The following PUS10 variants were observed in gnomAD, a reference collection of about 807,000 sequenced individuals.
PUS10 encodes tRNA pseudouridine synthase Pus10.
In PUS10, 59 loss-of-function variants were observed where a neutral mutation model predicts 75.0. That is an observed-to-expected ratio of 0.79 (90% confidence interval 0.64 to 0.98). The LOEUF (loss-of-function observed/expected upper bound fraction) is 0.98. Ranked by LOEUF, PUS10 falls within the 50% of genes least tolerant of loss-of-function variation. PUS10 has a pLI of 0.00. For missense variants in PUS10, 650 were observed against 614.4 expected (o/e 1.06, Z -0.61); for synonymous variants, 219 against 211.6 (o/e 1.03, Z -0.30).
intron 15 of PUS10, among the ~76,000 whole-genome samples, chr2:60,948,486 C>T (rs1024889873): frequency 6.6e-6 from 1 of 152,156 alleles, no homozygotes; most frequent in Non-Finnish European, 1.5e-5. Context: ...CCTCAGCCTC[C>T]AAAGTGCTGG....
chr2:60,962,709 A>T (rs1354448109), intron 9 of PUS10, 117 bp downstream of exon 9: 2 of 1,437,990 alleles, frequency 1.4e-6, no homozygotes, highest in African/African-American at 3.0e-5. Flanking sequence ...AATGACTAAG[A>T]CACAATCCTG....
intron 4 of PUS10, 51 bp from the exon 5 acceptor site, chr2:60,971,608 A>T: frequency 6.5e-7 from 1 of 1,527,814 alleles, no homozygotes; most frequent in Non-Finnish European, 9.1e-7. Flanking sequence ...AAACATGTTC[A>T]GTGAAATTAA....
intron 16 of PUS10, among the ~76,000 whole-genome samples, chr2:60,947,238 G>C (rs1291163244): frequency 1.3e-5 from 2 of 151,952 alleles, no homozygotes; most frequent in East Asian, 1.9e-4. Flanking sequence ...CACAAGGCAC[G>C]TAGACAAAGA....
intron 9 of PUS10, among the ~76,000 whole-genome samples, chr2:60,962,054 C>T (rs1185556538): frequency 1.3e-5 from 2 of 152,114 alleles, no homozygotes; most frequent in Non-Finnish European, 2.9e-5. Context: ...AGGTTTATTG[C>T]ATTTATTTTA....
intron 17 of PUS10, 86 bp downstream of exon 17, chr2:60,944,923 G>T: frequency 1.1e-6 from 1 of 876,786 alleles, no homozygotes; most frequent in African/African-American, 1.6e-5. Context: ...ATGGAGGTGG[G>T]TGATACTAAA....
chr2:60,953,265 T>C, intron 14 of PUS10, 151 bp from the exon 15 acceptor site: 1 of 622,156 alleles, frequency 1.6e-6, no homozygotes, highest in Non-Finnish European at 2.9e-6. Flanking sequence ...TTCAGAGTTG[T>C]GCAGCTATTA....
At chr2:60,954,524 G>A (rs150664153) in intron 12 of PUS10, among the ~76,000 whole-genome samples, 2 of 152,320 alleles carry the variant, frequency 1.3e-5, no homozygotes, top group African/African-American at 4.8e-5. Flanking sequence ...ATCCACTAGT[G>A]AAATGGAAAA....
chr2:60,997,089 A>T (rs1054091242), intron 4 of PUS10, among the ~76,000 whole-genome samples: 3 of 152,196 alleles, frequency 2.0e-5, no homozygotes, highest in African/African-American at 4.8e-5. Context: ...TCATACACCA[A>T]TGTTACATTC....
rs904745652 is a variant in PUS10 at position 61,011,670 on chromosome 2, GAATA to G, written c.126+91_126+94del. The G allele has an allele frequency of 1.8e-5, 16 of 867,918 alleles. No individual in the cohort carries two copies. The Admixed American group carries it at 5.4e-4, about 30-fold the overall frequency. 53.8% of individuals were successfully genotyped at this position (867,918 alleles called of 1,614,324 possible). A position where few individuals can be genotyped will look rare whatever the true frequency, so the allele number is the denominator to read the frequency against. On this transcript the variant is annotated intron_variant, in intron 2 of 17. Coordinates refer to ENST00000316752, the MANE Select transcript of PUS10 (RefSeq NM_144709.4). ...GTTTTTTAATTTAAAAAAGAGTTAT[GAATA>G]GATACCTGCCCTCAAAAGTACAAGC...
At chr2:60,946,861 C>T (rs912727728) in intron 16 of PUS10, among the ~76,000 whole-genome samples, 12 of 151,794 alleles carry the variant, frequency 7.9e-5, no homozygotes, top group Non-Finnish European at 1.6e-4. Flanking sequence ...TATATAGACA[C>T]ACACACACAC....
chr2:60,987,426 T>C (rs368677054), intron 4 of PUS10, among the ~76,000 whole-genome samples: 3 of 151,318 alleles, frequency 2.0e-5, no homozygotes, highest in East Asian at 1.9e-4. Context: ...GAGAAAAATA[T>C]AGAAAGTGAG....
chr2:60,977,395 A>G (rs541263375), intron 4 of PUS10, among the ~76,000 whole-genome samples: 30 of 152,322 alleles, frequency 2.0e-4, no homozygotes, highest in Admixed American at 8.5e-4. Flanking sequence ...AAAGTTCAGA[A>G]GGTTTTGATT....
At chr2:60,951,213 T>G (rs552322351) in intron 15 of PUS10, among the ~76,000 whole-genome samples, 1 of 152,288 alleles carries the variant, frequency 6.6e-6, no homozygotes, top group Non-Finnish European at 1.5e-5. Flanking sequence ...TGTATACATA[T>G]ACATATATAT....
In PUS10 at chr2:61,011,656, TAA is replaced by T. The variant is rs1322755668; in HGVS notation, c.126+107_126+108del. 14 of 751,240 alleles carry T rather than the reference TAA, an allele frequency of 1.9e-5. No homozygotes were observed. In the East Asian group the frequency reaches 3.6e-4, roughly 19 times the overall value. The allele number at this position is 751,240 out of a possible 1,614,324, so 46.5% of individuals were successfully genotyped here. On this transcript the variant is annotated intron_variant, in intron 2 of 17. Coordinates refer to ENST00000316752, the MANE Select transcript of PUS10 (RefSeq NM_144709.4). ...CTCATTTTATTATAGTTTTTTAATTTAAAAAAGAGTTATGAATAGATACCTGC... is the reference window on the plus strand; with the variant it reads ...CTCATTTTATTATAGTTTTTTAATTTAAAAGAGTTATGAATAGATACCTGC...
intron 1 of PUS10, among the ~76,000 whole-genome samples, chr2:61,015,716 G>A (rs931954249): frequency 6.6e-6 from 1 of 151,894 alleles, no homozygotes; most frequent in Non-Finnish European, 1.5e-5. Context: ...AAATAAATAA[G>A]ATCTGTGTGG....
chr2:61,012,777 T>C (rs548555384), intron 1 of PUS10, among the ~76,000 whole-genome samples: 1 of 129,224 alleles, frequency 7.7e-6, no homozygotes, highest in South Asian at 2.5e-4. Context: ...GAGGTTGCAG[T>C]GAGCCGAGAT....
intron 15 of PUS10, among the ~76,000 whole-genome samples, chr2:60,951,615 A>G (rs1376223519): frequency 6.6e-6 from 1 of 152,210 alleles, no homozygotes. Context: ...CTGAGGGAAC[A>G]GAAGACAGAG....
chr2:60,967,543 G>A lies in PUS10; in HGVS notation c.574C>T (p.Pro192Ser), dbSNP rs1162374040. Reference sequence around the variant, plus strand: ...ACACCCAGTTCCTCTGAAAACAGGGGGTGAGTTATCCATTTGTAGGCTTCT... The same window carrying A: ...ACACCCAGTTCCTCTGAAAACAGGGAGTGAGTTATCCATTTGTAGGCTTCT... ...LKEAYKWITH[P>S]LFSEELGVPI... The change falls in exon 6 of 18, where the codon CCC (proline) becomes TCC (serine). Residue 192 changes from proline to serine, a missense_variant. Coordinates refer to ENST00000316752, the MANE Select transcript of PUS10 (RefSeq NM_144709.4). 1 of 1,608,774 alleles carries A rather than the reference G, an allele frequency of 6.2e-7. No individual in the cohort carries two copies. Among genetic ancestry groups the A allele is most frequent in the Non-Finnish European group, 8.5e-7 (1 of 1,177,300 alleles).
intron 9 of PUS10, among the ~76,000 whole-genome samples, chr2:60,961,809 C>T (rs967546809): frequency 1.3e-5 from 2 of 152,214 alleles, no homozygotes; most frequent in Non-Finnish European, 2.9e-5. Flanking sequence ...ATTACTTTTG[C>T]ACCAACCTAA....
Sources: gnomAD v4.1 joint callset for allele counts (sites outside exome capture counted in the v4.1 genomes callset) on GRCh38, gnomAD v4.1.1 for gene constraint, MANE v1.5 for transcripts, NCBI Gene and HGNC (gene_info 2026-07-23, HGNC 2026-07-21) for gene names.